PCDHGB4: variants seen among roughly 807,000 people sequenced by gnomAD.
PCDHGB4 encodes protocadherin gamma-B4.
In PCDHGB4, 38 loss-of-function variants were observed where a neutral mutation model predicts 60.5. That is an observed-to-expected ratio of 0.63 (90% CI 0.48 to 0.82). The LOEUF is 0.82. PCDHGB4 is among the 40% of genes least tolerant of loss of function. The pLI, the probability that PCDHGB4 is intolerant of heterozygous loss-of-function variation, is 0.00. For missense variants in PCDHGB4, 1,109 were observed against 1,209.6 expected, an observed-to-expected ratio of 0.92 and a Z score of 1.23; for synonymous variants, 456 against 509.7, an observed-to-expected ratio of 0.89 and a Z score of 1.42.
Position 141,485,931 on chromosome 5 carries a change from A to C in PCDHGB4, c.2398-8876A>C, listed in dbSNP as rs761979804. 3 of 1,614,192 alleles carry C rather than the reference A, an allele frequency of 1.9e-6. No individual in the cohort carries two copies. In the South Asian group the frequency reaches 3.3e-5, roughly 18 times the overall value. On this transcript the variant is annotated intron_variant, in intron 1 of 3. Transcript: ENST00000519479. This position sits in a 1 kb window ranked among gnomAD's most constrained non-coding sequence, Gnocchi z 5.7. Reference sequence around the variant, plus strand: ...TCCAGCTACAGGATTAGTGTGTTGGAGAGCGCACCAGCGGGCATGGTGCTC... The same window carrying C: ...TCCAGCTACAGGATTAGTGTGTTGGCGAGCGCACCAGCGGGCATGGTGCTC...
chr5:141,427,775 G>A (rs768191014), intron 1 of PCDHGB4: 35 of 1,424,948 alleles, frequency 2.5e-5, no homozygotes, highest in Non-Finnish European at 2.9e-5. Context: ...TGGAGCTGCG[G>A]GCACTGTCGT....
At chr5:141,457,175 A>C (rs1447297536) in intron 1 of PCDHGB4, among the ~76,000 whole-genome samples, 2 of 152,192 alleles carry the variant, frequency 1.3e-5, no homozygotes, top group Non-Finnish European at 2.9e-5. Flanking sequence ...ACCCTATTGC[A>C]AATAGTAGAG....
intron 3 of PCDHGB4, among the ~76,000 whole-genome samples, chr5:141,505,875 T>C (rs991981462): frequency 2.6e-4 from 40 of 152,140 alleles, no homozygotes; most frequent in African/African-American, 9.2e-4. Flanking sequence ...AAAGGGTTGT[T>C]GTAGAGATTA....
chr5:141,419,218 A>G, intron 1 of PCDHGB4: 1 of 1,613,940 alleles, frequency 6.2e-7, no homozygotes, highest in Non-Finnish European at 8.5e-7. Flanking sequence ...CGGTTTTCGG[A>G]CAGTCAGCCT....
rs755936344 is a variant in PCDHGB4, at chr5:141,490,704, C to T, written c.2398-4103C>T. ...ATCCAGACACTGGGGATAATGCCCG[C>T]CTCACCTACTCCATTGTAGGAAATC... On this transcript the variant is annotated intron_variant, in intron 1 of 3. Transcript: ENST00000519479. The surrounding 1 kb of genome is among the most constrained non-coding windows in gnomAD (Gnocchi z 5.4). 6.2e-7 allele frequency: 1 copy of T among 1,614,166 alleles called. No homozygotes were observed.
chr5:141,408,849 A>G (rs764977493), intron 1 of PCDHGB4: 1 of 1,613,610 alleles, frequency 6.2e-7, no homozygotes, highest in South Asian at 1.1e-5. Context: ...ACTGCCTTGG[A>G]CGGAGGGGAC....
intron 1 of PCDHGB4, among the ~76,000 whole-genome samples, chr5:141,472,688 A>G (rs970538300): frequency 2.0e-5 from 3 of 151,384 alleles, no homozygotes; most frequent in African/African-American, 7.3e-5. Context: ...CATTTCCCCT[A>G]GAAATAAGTG....
At chr5:141,504,378 C>T (rs2099837786) in intron 2 of PCDHGB4, among the ~76,000 whole-genome samples, 1 of 152,052 alleles carries the variant, frequency 6.6e-6, no homozygotes, top group Non-Finnish European at 1.5e-5. Flanking sequence ...CAGGTGGAGT[C>T]GCTGCCTCAC....
chr5:141,476,825 G>A lies in PCDHGB4; in HGVS notation c.2398-17982G>A. ...GCCTATTCACATCAAGGTGCTGGACGCGAATGACAATGCGCCTGTCTTCAA... is the reference window on the plus strand; with the variant it reads ...GCCTATTCACATCAAGGTGCTGGACACGAATGACAATGCGCCTGTCTTCAA... On this transcript the variant is annotated intron_variant, in intron 1 of 3. Transcript: ENST00000519479. The surrounding 1 kb of genome is among the most constrained non-coding windows in gnomAD (Gnocchi z 7.6). 6.2e-7 allele frequency: 1 copy of A among 1,613,554 alleles called. No individual in the cohort carries two copies. Among genetic ancestry groups the A allele is most frequent in the East Asian group, 2.2e-5 (1 of 44,870 alleles).
chr5:141,489,084 C>G lies in PCDHGB4; in HGVS notation c.2398-5723C>G. ...CTCCCCCCTGCCCACCCCCGCCACT[C>G]GGTGACTAAGAACTGCTGCAAGCAG... On this transcript the variant is annotated intron_variant, in intron 1 of 3. Transcript: ENST00000519479. This position sits in a 1 kb window ranked among gnomAD's most constrained non-coding sequence, Gnocchi z 4.5. 6.1e-6 allele frequency: 2 copies of G among 329,126 alleles called. No homozygotes were observed. The highest frequency in any genetic ancestry group is 2.5e-5 in the African/African-American group (1 of 40,384). 20.4% of individuals were successfully genotyped at this position (329,126 alleles called of 1,614,324 possible). A position where few individuals can be genotyped will look rare whatever the true frequency, so the allele number is the denominator to read the frequency against.
chr5:141,405,770 G>T (rs989163026), intron 1 of PCDHGB4, among the ~76,000 whole-genome samples: 1 of 152,032 alleles, frequency 6.6e-6, no homozygotes. Context: ...GAGCCACTGC[G>T]CCTGGCCCTT....
chr5:141,390,965 A>G (rs2092279401), intron 1 of PCDHGB4: 1 of 152,252 alleles, frequency 6.6e-6, no homozygotes, highest in Admixed American at 6.5e-5. Context: ...TACTTGTAAC[A>G]TAGGAGTTTC....
chr5:141,505,243 G>A (rs2099844728), intron 2 of PCDHGB4, 150 bp from the exon 3 acceptor site: 1 of 1,424,622 alleles, frequency 7.0e-7, no homozygotes, highest in Non-Finnish European at 9.4e-7. Flanking sequence ...CTGAAGGATT[G>A]TAGAAGTGCC....
Position 141,476,383 on chromosome 5 carries a change from C to T in PCDHGB4, c.2398-18424C>T, listed in dbSNP as rs547854431. The T allele has an allele frequency of 6.2e-7, 1 of 1,613,984 alleles. No homozygotes were observed. The highest frequency in any genetic ancestry group is 8.5e-7 in the Non-Finnish European group (1 of 1,180,044). On this transcript the variant is annotated intron_variant, in intron 1 of 3. Coordinates refer to ENST00000519479, the MANE Select transcript of PCDHGB4 (RefSeq NM_003736.4). This position sits in a 1 kb window ranked among gnomAD's most constrained non-coding sequence, Gnocchi z 7.6. ...GGGAGACCGGAGAGATGTTTGTGAA[C>T]GACCGTCTGGATCGAGAGGAGCTGT...
At chr5:141,420,370 T>A in intron 1 of PCDHGB4, 1 of 1,352,032 alleles carries the variant, frequency 7.4e-7, no homozygotes, top group South Asian at 1.8e-5. Flanking sequence ...GATAACTTCT[T>A]CATAGAGTTC....
chr5:141,465,918 C>T lies in PCDHGB4; in HGVS notation c.2398-28889C>T, dbSNP rs34980831. On this transcript the variant is annotated intron_variant, in intron 1 of 3. Transcript: ENST00000519479. ...CGGGCAAATCACGAGGTCAGGATTT[C>T]GAGTCCATCCTGGCTAACATGGTGA... 2.0e-3 allele frequency among the ~76,000 whole-genome samples: 307 copies of T among 152,144 alleles called. 1 individual carries two copies. Among genetic ancestry groups the T allele is most frequent in the Middle Eastern group, 0.01 (3 of 294 alleles).
Position 141,476,187 on chromosome 5 carries a change from G to A in PCDHGB4, c.2398-18620G>A. 6.2e-7 allele frequency: 1 copy of A among 1,613,782 alleles called. No individual in the cohort carries two copies. The highest frequency in any genetic ancestry group is 1.1e-5 in the South Asian group (1 of 91,072). ...GTAGTGGGAGTTTTGCTTCTGCTTG[G>A]TGCCTTGAACAAGGCTTCCACGGTC... On this transcript the variant is annotated intron_variant, in intron 1 of 3. Coordinates refer to ENST00000519479, the MANE Select transcript of PCDHGB4 (RefSeq NM_003736.4). This position sits in a 1 kb window ranked among gnomAD's most constrained non-coding sequence, Gnocchi z 7.6.
intron 1 of PCDHGB4, among the ~76,000 whole-genome samples, chr5:141,484,723 G>T (rs930331672): frequency 1.3e-5 from 2 of 151,930 alleles, no homozygotes; most frequent in Non-Finnish European, 2.9e-5. Flanking sequence ...AAGGGGCGGG[G>T]TCAGTCGGTG....
At chr5:141,438,607 T>C (rs924136790) in intron 1 of PCDHGB4, among the ~76,000 whole-genome samples, 2 of 27,412 alleles carry the variant, frequency 7.3e-5, no homozygotes. Flanking sequence ...TATATATATA[T>C]ATATATATAT....
Sources: allele counts gnomAD v4.1 joint callset (sites outside exome capture counted in the v4.1 genomes callset), GRCh38; gene constraint gnomAD v4.1.1; non-coding constraint Gnocchi (gnomAD v3.1); transcripts MANE v1.5; gene names NCBI Gene and HGNC (gene_info 2026-07-23, HGNC 2026-07-21).